Variants in DIP2B observed in about 807,000 individuals in gnomAD.
DIP2B encodes the protein DIP2 acetate--CoA ligase B (putative).
In DIP2B, 76 loss-of-function variants were observed where a neutral mutation model predicts 198.0. The observed-to-expected ratio is 0.38, with a 90% CI of 0.32 to 0.46. DIP2B has a LOEUF of 0.46. Among genes scored for constraint, DIP2B ranks in the 20% least tolerant of loss-of-function variants. DIP2B has a pLI of 0.99. For missense variants in DIP2B, 1,559 were observed against 1,978.4 expected (o/e 0.79, Z 4.02); for synonymous variants, 701 against 739.1 (o/e 0.95, Z 0.84).
At chr12:50,631,588 A>C (rs1938055277) in intron 2 of DIP2B, among the ~76,000 whole-genome samples, 1 of 152,054 alleles carries the variant, frequency 6.6e-6, no homozygotes, top group Admixed American at 6.6e-5. Flanking sequence ...TTGTGCCACC[A>C]CACCCAGCTA....
intron 3 of DIP2B, among the ~76,000 whole-genome samples, chr12:50,647,661 C>T (rs1379511786): frequency 6.6e-6 from 1 of 152,114 alleles, no homozygotes; most frequent in East Asian, 1.9e-4. Context: ...ACTCAACCCA[C>T]CTACACATTT....
At chr12:50,652,820 A>G (rs1399791440) in intron 3 of DIP2B, among the ~76,000 whole-genome samples, 1 of 152,076 alleles carries the variant, frequency 6.6e-6, no homozygotes, top group Non-Finnish European at 1.5e-5. Flanking sequence ...TTAATGTACA[A>G]GTTTTTCACC....
At chr12:50,743,623 T>C (rs1196644084) in intron 37 of DIP2B, 3 of 152,166 alleles carry the variant, frequency 2.0e-5, no homozygotes, top group African/African-American at 7.2e-5. Context: ...CAATTACAAA[T>C]CAATCAAACT....
At chr12:50,555,875 T>A (rs888489670) in intron 1 of DIP2B, among the ~76,000 whole-genome samples, 1 of 152,114 alleles carries the variant, frequency 6.6e-6, no homozygotes, top group Non-Finnish European at 1.5e-5. Context: ...TTCACTGATA[T>A]ACGAAACACA....
chr12:50,639,592 T>C (rs79057806), intron 2 of DIP2B, among the ~76,000 whole-genome samples: 1 of 145,538 alleles, frequency 6.9e-6, no homozygotes, highest in East Asian at 2.0e-4. Flanking sequence ...GCTTTGAGTC[T>C]TTTTTTTTTT....
At chr12:50,577,113 A>C (rs547325548) in intron 1 of DIP2B, among the ~76,000 whole-genome samples, 1 of 152,200 alleles carries the variant, frequency 6.6e-6, no homozygotes, top group South Asian at 2.1e-4. Flanking sequence ...CAAGACTTTA[A>C]ATTTTTAACT....
At chr12:50,727,536 A>C (rs546691745) in intron 28 of DIP2B, among the ~76,000 whole-genome samples, 167 bp from the exon 29 acceptor site, 1 of 152,342 alleles carries the variant, frequency 6.6e-6, no homozygotes, top group African/African-American at 2.4e-5. Context: ...CCTCAACCCC[A>C]GCCCACCTCT....
In DIP2B at chr12:50,612,135, C is replaced by A. The variant is rs550399711; in HGVS notation, c.101-13841C>A. 3.9e-5 allele frequency among the ~76,000 whole-genome samples: 6 copies of A among 152,204 alleles called. No individual in the cohort carries two copies. In the East Asian group the frequency reaches 1.2e-3, roughly 29 times the overall value. On this transcript the variant is annotated intron_variant, in intron 1 of 37. Transcript: ENST00000301180. The stretch of plus-strand genomic sequence containing the variant: ...AAAATTAGCAGGGCATTGTAGCATG[C>A]CCCTGTAGTCCCAGCTCCTCAGAAG...
chr12:50,705,547 A>G (rs1237946670), intron 20 of DIP2B, among the ~76,000 whole-genome samples: 1 of 152,230 alleles, frequency 6.6e-6, no homozygotes. Context: ...CTAGTCCTGC[A>G]GCCACACCTA....
intron 1 of DIP2B, among the ~76,000 whole-genome samples, chr12:50,600,818 C>G (rs1355828931): frequency 1.3e-5 from 2 of 152,018 alleles, no homozygotes; most frequent in East Asian, 1.9e-4. Context: ...GGAGGGCTCC[C>G]CCTGGAAACC....
In DIP2B at chr12:50,630,255, A is replaced by G. The variant is rs1326561905; in HGVS notation, c.172+4208A>G. On this transcript the variant is annotated intron_variant, in intron 2 of 37. Coordinates refer to ENST00000301180, the MANE Select transcript of DIP2B (RefSeq NM_173602.3). ...GAGCCACTGCACCCGGCCAAACTCA[A>G]TTTTTCTAGGAAATTGTTTTGTTTA... is the stretch of plus-strand genomic sequence containing the variant. 2.0e-5 allele frequency among the ~76,000 whole-genome samples: 3 copies of G among 151,746 alleles called. 1 individual carries two copies. Among genetic ancestry groups the G allele is most frequent in the Non-Finnish European group, 1.5e-5 (1 of 67,936 alleles).
At chr12:50,677,056 A>G (rs61371500) in intron 7 of DIP2B, among the ~76,000 whole-genome samples, 1 of 152,194 alleles carries the variant, frequency 6.6e-6, no homozygotes, top group Non-Finnish European at 1.5e-5. Context: ...CATTTATTTC[A>G]TATTTCATTT....
At chr12:50,536,883 G>A (rs1217394979) in intron 1 of DIP2B, among the ~76,000 whole-genome samples, 1 of 146,234 alleles carries the variant, frequency 6.8e-6, no homozygotes. Flanking sequence ...TTTTTTTAAT[G>A]TTGAACTGTC....
intron 1 of DIP2B, among the ~76,000 whole-genome samples, chr12:50,595,574 G>A (rs1228777106): frequency 3.9e-5 from 6 of 152,128 alleles, no homozygotes; most frequent in African/African-American, 1.4e-4. Flanking sequence ...CAAAGTGCTA[G>A]GATTACAGGC....
rs762898354 is a variant in DIP2B, at chr12:50,692,959, A to G, written c.1665A>G (p.Ile555Met). ...TTTTTTCTATTTTAGGGGAAACAAT[A>G]GTAAATGTCTTAGACTTTAAGAAGG... ...QACNYSEGET[I>M]VNVLDFKKDA... Residue 555 changes from isoleucine (I) to methionine (M), a missense_variant, in exon 14 of 38, where the codon ATA becomes ATG. Ile to Met is a conservative substitution (Grantham distance 10). Transcript: ENST00000301180. 1 of 1,609,136 alleles carries G rather than the reference A, an allele frequency of 6.2e-7. No individual in the cohort carries two copies.
rs575572058 is a variant in DIP2B at position 50,735,141 on chromosome 12, C to G, written c.4101+11C>G. 1.2e-6 allele frequency: 2 copies of G among 1,614,082 alleles called. No homozygotes were observed. The highest frequency in any genetic ancestry group is 2.2e-5 in the South Asian group (2 of 91,074). On this transcript the variant is annotated intron_variant, in intron 34 of 37. Coordinates refer to ENST00000301180, the MANE Select transcript of DIP2B (RefSeq NM_173602.3). ...TCAGAGTCTGGAAAGGTAATTTGTT[C>G]TGTTGACCATGGGGAAGGTGGGCTG...
At chr12:50,523,735 A>G (rs924699107) in intron 1 of DIP2B, among the ~76,000 whole-genome samples, 1 of 152,184 alleles carries the variant, frequency 6.6e-6, no homozygotes, top group Non-Finnish European at 1.5e-5. Flanking sequence ...ACTATGCCCA[A>G]ATTCTTATAT....
chr12:50,563,817 C>T (rs545409922), intron 1 of DIP2B, among the ~76,000 whole-genome samples: 16 of 151,288 alleles, frequency 1.1e-4, no homozygotes, highest in African/African-American at 3.6e-4. Flanking sequence ...TTTTTAAAAG[C>T]TCATTCTGTG....
At chr12:50,721,079 C>T (rs1049144919) in intron 25 of DIP2B, among the ~76,000 whole-genome samples, 194 bp from the exon 26 acceptor site, 8 of 152,106 alleles carry the variant, frequency 5.3e-5, no homozygotes, top group Admixed American at 5.2e-4. Flanking sequence ...AAAGTGCTAG[C>T]GTTACAGGTT....
Sources: gnomAD v4.1 joint callset for allele counts (sites outside exome capture counted in the v4.1 genomes callset) on GRCh38, gnomAD v4.1.1 for gene constraint, MANE v1.5 for transcripts, NCBI Gene and HGNC (gene_info 2026-07-23, HGNC 2026-07-21) for gene names.